Variants in PAG1 observed in about 807,000 individuals in gnomAD.
PAG1 encodes the protein phosphoprotein associated with glycosphingolipid-enriched microdomains 1.
In PAG1, 23 loss-of-function variants were observed where a neutral mutation model predicts 31.7. The ratio of observed to expected loss-of-function variants is 0.73; its 90% CI spans 0.52 to 1.03. The LOEUF (loss-of-function observed/expected upper bound fraction) is 1.03. Ranked by LOEUF, PAG1 falls within the 50% of genes least tolerant of loss-of-function variation. PAG1 has a pLI of 0.00. For synonymous variants in PAG1, 214 were observed against 210.3 expected (o/e 1.02, Z -0.15); for missense variants, 473 against 540.7 (o/e 0.87, Z 1.24).
At chr8:81,037,451 A>AT (rs1415039543) in intron 2 of PAG1, among the ~76,000 whole-genome samples, 1 of 152,234 alleles carries the variant, frequency 6.6e-6, no homozygotes, top group Non-Finnish European at 1.5e-5. Context: ...TGCAGTTTCA[A>AT]TATCAGCAGA....
intron 3 of PAG1, among the ~76,000 whole-genome samples, chr8:81,027,825 A>C (rs1808308745): frequency 6.6e-6 from 1 of 151,374 alleles, no homozygotes; most frequent in South Asian, 2.1e-4. Flanking sequence ...GAATGGCGTG[A>C]ACATGGGAGG....
intron 1 of PAG1, among the ~76,000 whole-genome samples, chr8:81,105,921 T>C (rs1242680054): frequency 6.6e-6 from 1 of 152,202 alleles, no homozygotes; most frequent in African/African-American, 2.4e-5. Context: ...TTGGTACTTT[T>C]AGAAAATCAA....
intron 1 of PAG1, among the ~76,000 whole-genome samples, chr8:81,087,427 C>A (rs963362500): frequency 2.2e-4 from 33 of 151,636 alleles, no homozygotes; most frequent in African/African-American, 7.5e-4. Flanking sequence ...ATATTTAGTA[C>A]CTCGCCATTT....
chr8:81,088,377 T>G (rs1037648382), intron 1 of PAG1, among the ~76,000 whole-genome samples: 2 of 152,202 alleles, frequency 1.3e-5, no homozygotes, highest in Non-Finnish European at 2.9e-5. Flanking sequence ...TTTTTTCACC[T>G]CTCTTATTTT....
At chr8:81,045,401 G>A (rs1335039199) in intron 2 of PAG1, among the ~76,000 whole-genome samples, 1 of 152,188 alleles carries the variant, frequency 6.6e-6, no homozygotes, top group Non-Finnish European at 1.5e-5. Flanking sequence ...CCATTAAATA[G>A]ATGTGTCTGG....
intron 3 of PAG1, among the ~76,000 whole-genome samples, chr8:80,996,628 C>G (rs757275851): frequency 1.3e-5 from 2 of 152,166 alleles, no homozygotes; most frequent in African/African-American, 2.4e-5. Flanking sequence ...GGCCCCTCCC[C>G]ATGTGTGCAG....
At position 81,011,110 on chromosome 8, in the gene PAG1, T is replaced by G. The variant is rs73694010; in HGVS notation, c.-80-17803A>C. On this transcript the variant is annotated intron_variant, in intron 3 of 8. Coordinates refer to ENST00000220597, the MANE Select transcript of PAG1 (RefSeq NM_018440.4). ...CCTTATCTGAAAGCATATTATTTAT[T>G]GGCCTTTGTGTTTATTGTTGTATGT... Among the ~76,000 whole-genome samples, 417 of 152,352 alleles carry G rather than the reference T, an allele frequency of 2.7e-3. 1 individual carries two copies. Among genetic ancestry groups the G allele is most frequent in the African/African-American group, 9.8e-3 (408 of 41,568 alleles).
intron 1 of PAG1, among the ~76,000 whole-genome samples, chr8:81,079,256 G>A (rs552244922): frequency 1.3e-5 from 2 of 152,054 alleles, no homozygotes; most frequent in African/African-American, 4.8e-5. Flanking sequence ...GGAATCACAT[G>A]CCCAGCCTGG....
chr8:80,985,021 T>C lies in PAG1; in HGVS notation c.631A>G (p.Lys211Glu). 2 of 1,614,162 alleles carry C rather than the reference T, an allele frequency of 1.2e-6. No homozygotes were observed. The highest frequency in any genetic ancestry group is 1.7e-6 in the Non-Finnish European group (2 of 1,180,032). The change falls in exon 7 of 9, where the codon AAA (lysine) becomes GAA (glutamate). Residue 211 changes from lysine (K) to glutamate (E), a missense_variant. Lys to Glu is a moderately conservative substitution (Grantham distance 56, BLOSUM62 1). Coordinates refer to ENST00000220597, the MANE Select transcript of PAG1 (RefSeq NM_018440.4). ...TCAGTCTGGGGCCCTGGGAGCTCTT[T>C]CGAGGCAGAAGTAGATTTTGCCTTG... ...SGKAKSTSASKELPGPQTEGK... is the reference protein window; with the variant it reads ...SGKAKSTSASEELPGPQTEGK...
At chr8:81,087,220 G>A (rs754111335) in intron 1 of PAG1, among the ~76,000 whole-genome samples, 41 of 152,078 alleles carry the variant, frequency 2.7e-4, no homozygotes, top group Admixed American at 9.8e-4. Context: ...GCATGTGCCT[G>A]TAATCCCAGC....
At chr8:81,000,288 G>A (rs1400463838) in intron 3 of PAG1, among the ~76,000 whole-genome samples, 1 of 152,138 alleles carries the variant, frequency 6.6e-6, no homozygotes, top group African/African-American at 2.4e-5. Flanking sequence ...AGAATGGTGA[G>A]TAGATTCTCA....
At chr8:81,085,629 A>G (rs1809338701) in intron 1 of PAG1, among the ~76,000 whole-genome samples, 1 of 152,338 alleles carries the variant, frequency 6.6e-6, no homozygotes, top group African/African-American at 2.4e-5. Flanking sequence ...GAATAGAGGA[A>G]TATATAGGAT....
chr8:81,053,051 A>G (rs1237432990), intron 2 of PAG1, among the ~76,000 whole-genome samples: 1 of 152,226 alleles, frequency 6.6e-6, no homozygotes, highest in Non-Finnish European at 1.5e-5. Context: ...CATAATTGTA[A>G]TTGTAAATTC....
intron 8 of PAG1, among the ~76,000 whole-genome samples, chr8:80,977,268 C>T (rs1807205356): frequency 6.6e-6 from 1 of 152,146 alleles, no homozygotes; most frequent in African/African-American, 2.4e-5. Flanking sequence ...TGAAAAGGGG[C>T]TCCACTGCTT....
intron 1 of PAG1, among the ~76,000 whole-genome samples, chr8:81,089,506 T>A (rs2131056935): frequency 6.6e-6 from 1 of 151,996 alleles, no homozygotes; most frequent in African/African-American, 2.4e-5. Context: ...AGGTGGAGCT[T>A]GCAGTGAGCT....
At chr8:80,981,891 C>T (rs115266125) in intron 7 of PAG1, among the ~76,000 whole-genome samples, 1,976 of 94,184 alleles carry the variant, frequency 0.021, 64 homozygotes, top group African/African-American at 0.13. Flanking sequence ...TTTTTGACAG[C>T]GTCTCACTCT....
chr8:81,043,754 A>C (rs989636627), intron 2 of PAG1, among the ~76,000 whole-genome samples: 1 of 152,232 alleles, frequency 6.6e-6, no homozygotes, highest in Non-Finnish European at 1.5e-5. Flanking sequence ...TTTTCATTTT[A>C]TTCTCCTGCT....
intron 2 of PAG1, among the ~76,000 whole-genome samples, chr8:81,036,506 C>A (rs1808464115): frequency 6.6e-6 from 1 of 152,138 alleles, no homozygotes; most frequent in Non-Finnish European, 1.5e-5. Flanking sequence ...ACAGATATTT[C>A]ATTGATATTT....
intron 2 of PAG1, among the ~76,000 whole-genome samples, chr8:81,034,430 T>C (rs570236893): frequency 1.1e-4 from 16 of 152,366 alleles, no homozygotes; most frequent in African/African-American, 3.4e-4. Context: ...ACTGGCATAC[T>C]GCTGCAGCAA....
Sources: gnomAD v4.1 joint callset for allele counts (sites outside exome capture counted in the v4.1 genomes callset) on GRCh38, gnomAD v4.1.1 for gene constraint, MANE v1.5 for transcripts, NCBI Gene and HGNC (gene_info 2026-07-23, HGNC 2026-07-21) for gene names.